Variants in PARD3 observed in about 807,000 individuals in gnomAD.
PARD3 encodes the protein partitioning defective 3 homolog.
PARD3 carries 75 observed loss-of-function variants against 155.4 expected under a neutral mutation model. The ratio of observed to expected loss-of-function variants is 0.48; its 90% CI spans 0.40 to 0.58. The LOEUF is 0.58. PARD3 is among the 20% of genes least tolerant of loss of function. The pLI is 0.00. For missense variants in PARD3, 1,642 were observed against 1,721.7 expected (o/e 0.95, Z 0.82); for synonymous variants, 576 against 610.5 (o/e 0.94, Z 0.83).
intron 2 of PARD3, among the ~76,000 whole-genome samples, chr10:34,585,653 A>G (rs946885784): frequency 6.6e-6 from 1 of 151,718 alleles, no homozygotes; most frequent in Non-Finnish European, 1.5e-5. Context: ...TACTTAGCAT[A>G]CCTACTTCCT....
At chr10:34,174,811 C>T (rs921831081) in intron 22 of PARD3, among the ~76,000 whole-genome samples, 72 of 152,014 alleles carry the variant, frequency 4.7e-4, no homozygotes, top group African/African-American at 1.5e-3. Flanking sequence ...TTTGATTGTT[C>T]TTCTATATTA....
chr10:34,140,669 A>C (rs930805579), intron 22 of PARD3, among the ~76,000 whole-genome samples: 3 of 152,192 alleles, frequency 2.0e-5, no homozygotes, highest in Non-Finnish European at 4.4e-5. Flanking sequence ...ATCAAACTAC[A>C]AATAAAAATA....
chr10:34,376,199 T>C (rs1179286350), intron 10 of PARD3, among the ~76,000 whole-genome samples: 1 of 152,314 alleles, frequency 6.6e-6, no homozygotes, highest in South Asian at 2.1e-4. Context: ...GCTTAAAGCA[T>C]GCAAAAATGA....
intron 20 of PARD3, among the ~76,000 whole-genome samples, chr10:34,292,469 C>G (rs973800718): frequency 2.0e-5 from 3 of 152,124 alleles, no homozygotes; most frequent in Non-Finnish European, 4.4e-5. Context: ...GGCAAAAAAG[C>G]ATCTTGGTAA....
At chr10:34,446,238 T>C (rs1409444570) in intron 5 of PARD3, among the ~76,000 whole-genome samples, 1 of 152,184 alleles carries the variant, frequency 6.6e-6, no homozygotes, top group East Asian at 1.9e-4. Context: ...GTGAGGTTGC[T>C]AAGCTACAGA....
chr10:34,450,228 T>C, intron 5 of PARD3, 89 bp downstream of exon 5: 4 of 1,213,108 alleles, frequency 3.3e-6, no homozygotes, highest in South Asian at 1.5e-5. Flanking sequence ...CTTTTAATCA[T>C]CACCAGTGAT....
rs527491016 is a variant in PARD3, at chr10:34,225,377, C to T, written c.3419+44280G>A. ...TTTTTTTTTTTAGGACAGAGTTTCA[C>T]TCTTGTTGCCCAGGCTGGAGTGCAG... On this transcript the variant is annotated intron_variant, in intron 22 of 24. Transcript: ENST00000374788. Among the ~76,000 whole-genome samples, 7 of 151,458 alleles carry T rather than the reference C, an allele frequency of 4.6e-5. No individual in the cohort carries two copies. In the East Asian group the frequency reaches 1.4e-3, roughly 29 times the overall value.
At chr10:34,617,589 A>G (rs942952185) in intron 2 of PARD3, among the ~76,000 whole-genome samples, 1 of 152,250 alleles carries the variant, frequency 6.6e-6, no homozygotes, top group African/African-American at 2.4e-5. Context: ...TGCCATAAAT[A>G]TGTATAATTT....
intron 22 of PARD3, among the ~76,000 whole-genome samples, chr10:34,194,154 C>T (rs117135538): frequency 0.025 from 3,815 of 152,282 alleles, 80 homozygotes; most frequent in Non-Finnish European, 0.036. Flanking sequence ...TAGGTTACTG[C>T]TCTGAGCTTC....
chr10:34,218,535 G>A (rs4934508), intron 22 of PARD3, among the ~76,000 whole-genome samples: 7 of 152,104 alleles, frequency 4.6e-5, no homozygotes, highest in South Asian at 2.1e-4. Context: ...AGTAACAGAC[G>A]GACTACTTAG....
At chr10:34,256,545 G>C (rs1323869775) in intron 22 of PARD3, among the ~76,000 whole-genome samples, 1 of 152,226 alleles carries the variant, frequency 6.6e-6, no homozygotes, top group Non-Finnish European at 1.5e-5. Flanking sequence ...TGTAAAAACA[G>C]TTAAGCTGCA....
intron 2 of PARD3, among the ~76,000 whole-genome samples, chr10:34,688,585 A>G (rs956388753): frequency 1.3e-5 from 2 of 152,238 alleles, no homozygotes; most frequent in African/African-American, 4.8e-5. Context: ...AAAACAAAGT[A>G]CCTTTTTACA....
intron 5 of PARD3, among the ~76,000 whole-genome samples, chr10:34,414,767 A>G (rs1845496449): frequency 1.3e-5 from 2 of 152,156 alleles, no homozygotes; most frequent in South Asian, 2.1e-4. Context: ...TCTGATCATT[A>G]TATGTTCTAT....
At chr10:34,144,730 T>C (rs1338847396) in intron 22 of PARD3, among the ~76,000 whole-genome samples, 6 of 152,202 alleles carry the variant, frequency 3.9e-5, no homozygotes, top group Non-Finnish European at 2.9e-5. Context: ...CAAATTCCCA[T>C]CTTCCACATC....
At chr10:34,219,034 G>C (rs954957764) in intron 22 of PARD3, among the ~76,000 whole-genome samples, 1 of 152,154 alleles carries the variant, frequency 6.6e-6, no homozygotes, top group Admixed American at 6.6e-5. Flanking sequence ...GCAGGAAGAA[G>C]AACTCACTTC....
chr10:34,230,719 C>T (rs186684965), intron 22 of PARD3, among the ~76,000 whole-genome samples: 1 of 152,134 alleles, frequency 6.6e-6, no homozygotes, highest in African/African-American at 2.4e-5. Flanking sequence ...GTACAACTGG[C>T]AACTTAAAAA....
intron 2 of PARD3, among the ~76,000 whole-genome samples, chr10:34,533,420 A>T (rs1226866220): frequency 6.6e-6 from 1 of 152,116 alleles, no homozygotes; most frequent in Non-Finnish European, 1.5e-5. Flanking sequence ...TATCTCCTGA[A>T]TCCAAAATAA....
chr10:34,170,481 G>A (rs1949735275), intron 22 of PARD3, among the ~76,000 whole-genome samples: 1 of 152,186 alleles, frequency 6.6e-6, no homozygotes, highest in Admixed American at 6.5e-5. Context: ...GCACAAGACA[G>A]AGACTACCCT....
chr10:34,470,022 C>T (rs2078252229), intron 4 of PARD3, 63 bp downstream of exon 4: 2 of 1,339,634 alleles, frequency 1.5e-6, no homozygotes, highest in Admixed American at 2.2e-5. Context: ...ACACGACACT[C>T]ATCACGGACA....
Sources: allele counts gnomAD v4.1 joint callset (sites outside exome capture counted in the v4.1 genomes callset), GRCh38; gene constraint gnomAD v4.1.1; transcripts MANE v1.5; gene names NCBI Gene and HGNC (gene_info 2026-07-23, HGNC 2026-07-21).